The following PTPRD variants were observed in gnomAD, a reference collection of about 807,000 sequenced individuals.
PTPRD encodes the protein protein tyrosine phosphatase receptor type D, also known as receptor-type tyrosine-protein phosphatase delta.
PTPRD carries 34 observed loss-of-function variants against 214.5 expected under a neutral mutation model. The ratio of observed to expected loss-of-function variants is 0.16; its 90% confidence interval spans 0.12 to 0.21. The LOEUF is 0.21. Ranked by LOEUF, PTPRD falls within the 10% of genes least tolerant of loss-of-function variation. The probability of loss-of-function intolerance (pLI) is 1.00; values close to 1 mark genes in which losing one functional copy is unlikely to be tolerated. For missense variants in PTPRD, 2,545 were observed against 2,398.7 expected (o/e 1.06, Z -1.27); for synonymous variants, 1,128 against 845.7 (o/e 1.33, Z -5.79).
chr9:9,032,276 G>A (rs1354272376), intron 10 of PTPRD, among the ~76,000 whole-genome samples: 2 of 151,968 alleles, frequency 1.3e-5, no homozygotes, highest in East Asian at 3.9e-4. Flanking sequence ...GCAAATAGCT[G>A]CAGCTTCTCA....
At position 9,894,683 on chromosome 9, in the gene PTPRD, T is replaced by C. The variant is rs138774393; in HGVS notation, c.-368+43824A>G. ...TTCATAACAGTTACCATTTCACATATATTTGGGGGATGAGCTAAATAATAT... is the reference window on the plus strand; with the variant it reads ...TTCATAACAGTTACCATTTCACATACATTTGGGGGATGAGCTAAATAATAT... On this transcript the variant is annotated intron_variant, in intron 5 of 45. Transcript: ENST00000381196. Among the ~76,000 whole-genome samples the C allele has an allele frequency of 3.1e-3, 471 of 152,204 alleles. 3 individuals are homozygous for C. Among genetic ancestry groups the C allele is most frequent in the Non-Finnish European group, 5.0e-3 (339 of 67,996 alleles).
intron 11 of PTPRD, among the ~76,000 whole-genome samples, chr9:8,916,516 T>C (rs2098787219): frequency 6.6e-6 from 1 of 152,158 alleles, no homozygotes; most frequent in South Asian, 2.1e-4. Flanking sequence ...TTAGTGACGA[T>C]GAACTGGAGG....
intron 3 of PTPRD, among the ~76,000 whole-genome samples, chr9:10,057,862 C>A (rs75815652): frequency 2.5e-4 from 35 of 141,496 alleles, no homozygotes; most frequent in East Asian, 1.4e-3. Flanking sequence ...AAAAAAAAAA[C>A]AAAAAAAAAG....
chr9:10,165,091 T>G (rs2099151165), intron 3 of PTPRD, among the ~76,000 whole-genome samples: 1 of 151,686 alleles, frequency 6.6e-6, no homozygotes, highest in African/African-American at 2.4e-5. Context: ...TCTCAGGGCC[T>G]GGTGCCCTAC....
chr9:9,293,176 A>G (rs1255959933), intron 9 of PTPRD, among the ~76,000 whole-genome samples: 1 of 151,504 alleles, frequency 6.6e-6, no homozygotes, highest in Non-Finnish European at 1.5e-5. Context: ...TCTGCATAGG[A>G]GATTTGTCTA....
chr9:9,847,300 T>G (rs997401331), intron 5 of PTPRD, among the ~76,000 whole-genome samples: 1 of 152,166 alleles, frequency 6.6e-6, no homozygotes. Context: ...CATAAGAAAT[T>G]ACTGATGTGT....
At chr9:8,910,491 G>A (rs1394672740) in intron 11 of PTPRD, among the ~76,000 whole-genome samples, 1 of 152,050 alleles carries the variant, frequency 6.6e-6, no homozygotes, top group African/African-American at 2.4e-5. Flanking sequence ...TGGAACTGGT[G>A]GCTTTACAAG....
At chr9:8,668,699 T>C (rs1596471849) in intron 12 of PTPRD, among the ~76,000 whole-genome samples, 5 of 152,340 alleles carry the variant, frequency 3.3e-5, no homozygotes, top group Admixed American at 3.3e-4. Context: ...AATTGCAATG[T>C]ATATGCACTG....
At chr9:8,550,380 T>C (rs937737002) in intron 14 of PTPRD, among the ~76,000 whole-genome samples, 5 of 152,324 alleles carry the variant, frequency 3.3e-5, no homozygotes, top group Non-Finnish European at 7.3e-5. Flanking sequence ...AATTTACTAT[T>C]ACCACTACTG....
intron 35 of PTPRD, among the ~76,000 whole-genome samples, chr9:8,430,552 C>T (rs1428026094): frequency 7.2e-5 from 11 of 152,072 alleles, no homozygotes; most frequent in African/African-American, 2.4e-4. Flanking sequence ...GCTGGGATTA[C>T]AGGTGTGAGC....
At chr9:10,338,372 C>A (rs1384390232) in intron 3 of PTPRD, among the ~76,000 whole-genome samples, 1 of 151,690 alleles carries the variant, frequency 6.6e-6, no homozygotes, top group African/African-American at 2.4e-5. Context: ...ACCAATATAA[C>A]TTTCAACTGA....
At position 8,316,119 on chromosome 9, in the gene PTPRD, A is replaced by G. The variant is rs1276029211; in HGVS notation, c.*1755T>C. On this transcript the variant is annotated 3_prime_UTR_variant, in exon 46 of 46. Coordinates refer to ENST00000381196, the MANE Select transcript of PTPRD (RefSeq NM_002839.4). Reference sequence around the variant, plus strand: ...TAGCTTTTTCTGATGTTGATGATTGATTATAAAAGGAAGAAGGGCCCTGAT... The same window carrying G: ...TAGCTTTTTCTGATGTTGATGATTGGTTATAAAAGGAAGAAGGGCCCTGAT... 1 of 229,792 alleles carries G rather than the reference A, an allele frequency of 4.4e-6. No individual in the cohort carries two copies. Among genetic ancestry groups the G allele is most frequent in the East Asian group, 6.2e-5 (1 of 16,140 alleles). 14.2% of individuals were successfully genotyped at this position (229,792 alleles called of 1,614,324 possible).
intron 11 of PTPRD, among the ~76,000 whole-genome samples, chr9:8,778,499 A>C (rs958431348): frequency 1.3e-5 from 2 of 152,160 alleles, no homozygotes; most frequent in Admixed American, 1.3e-4. Flanking sequence ...TCTGCCCAAC[A>C]CTGAAACTGA....
chr9:9,994,997 C>A (rs920822609), intron 4 of PTPRD, among the ~76,000 whole-genome samples: 1 of 151,918 alleles, frequency 6.6e-6, no homozygotes, highest in African/African-American at 2.4e-5. Context: ...AAAACAGGTA[C>A]ATTTACATAT....
At position 9,853,828 on chromosome 9, in the gene PTPRD, T is replaced by C. The variant is rs536294099; in HGVS notation, c.-368+84679A>G. 8.5e-5 allele frequency among the ~76,000 whole-genome samples: 13 copies of C among 152,334 alleles called. 1 individual carries two copies. The highest frequency in any genetic ancestry group is 3.1e-4 in the African/African-American group (13 of 41,574). ...GCCTCAGCCTCCCAAAGTGCTGAGA[T>C]TATAGGCGTGAGCCACCACGCCAGC... is the stretch of plus-strand genomic sequence containing the variant. On this transcript the variant is annotated intron_variant, in intron 5 of 45. Transcript: ENST00000381196.
intron 11 of PTPRD, among the ~76,000 whole-genome samples, chr9:8,738,124 T>C (rs976983276): frequency 3.9e-5 from 6 of 152,238 alleles, no homozygotes; most frequent in African/African-American, 1.4e-4. Flanking sequence ...AGCTTCTGTA[T>C]ATCTGTACAT....
chr9:9,563,239 A>C (rs1288337999), intron 8 of PTPRD, among the ~76,000 whole-genome samples: 1 of 152,154 alleles, frequency 6.6e-6, no homozygotes, highest in African/African-American at 2.4e-5. Context: ...TAAGTTTGAA[A>C]TGTGAGAAGA....
intron 9 of PTPRD, among the ~76,000 whole-genome samples, chr9:9,281,923 A>G (rs949572083): frequency 3.3e-5 from 5 of 151,366 alleles, no homozygotes; most frequent in Non-Finnish European, 7.4e-5. Context: ...CAGCACTAAA[A>G]TATTATTCAA....
chr9:9,432,989 G>A (rs1341307012), intron 8 of PTPRD, among the ~76,000 whole-genome samples: 4 of 152,118 alleles, frequency 2.6e-5, no homozygotes, highest in Non-Finnish European at 5.9e-5. Flanking sequence ...AGTCACTGTG[G>A]TAGAATCAGA....
Sources: allele counts gnomAD v4.1 joint callset (sites outside exome capture counted in the v4.1 genomes callset), GRCh38; gene constraint gnomAD v4.1.1; transcripts MANE v1.5; gene names NCBI Gene and HGNC (gene_info 2026-07-23, HGNC 2026-07-21).